Variants in DARS1 observed in about 807,000 individuals in gnomAD.
DARS1 encodes the protein aspartyl-tRNA synthetase 1, also known as aspartate--tRNA ligase, cytoplasmic.
A neutral mutation model predicts 68.8 loss-of-function variants in DARS1; 51 were observed. The ratio of observed to expected loss-of-function variants is 0.74; its 90% CI spans 0.59 to 0.94. The LOEUF (loss-of-function observed/expected upper bound fraction) is 0.94, where lower values mean the gene tolerates loss of function less well. Among genes scored for constraint, DARS1 ranks in the 40% least tolerant of loss-of-function variants. The pLI, the probability that DARS1 is intolerant of heterozygous loss-of-function variation, is 0.00. For missense variants in DARS1, 607 were observed against 597.3 expected, an observed-to-expected ratio of 1.02 and a Z score of -0.17; for synonymous variants, 203 against 190.4, an observed-to-expected ratio of 1.07 and a Z score of -0.55.
In DARS1 at chr2:135,985,587, C is replaced by G; in HGVS notation, c.-119G>C. The G allele has an allele frequency of 1.9e-6, 3 of 1,553,902 alleles. No homozygotes were observed. The highest frequency in any genetic ancestry group is 2.6e-6 in the Non-Finnish European group (3 of 1,145,980). On this transcript the variant is annotated 5_prime_UTR_variant, in exon 1 of 16. Coordinates refer to ENST00000264161, the MANE Select transcript of DARS1 (RefSeq NM_001349.4). ...CTCCCGACCCTGGGGTCTCAGCACA[C>G]GCGCTCGGACTCCGCGTGGAGGTGC...
chr2:135,970,480 G>A (rs1258286760), intron 3 of DARS1, among the ~76,000 whole-genome samples: 2 of 151,924 alleles, frequency 1.3e-5, no homozygotes, highest in Non-Finnish European at 2.9e-5. Context: ...GGGATACAGT[G>A]AAAGCTGTAC....
intron 2 of DARS1, among the ~76,000 whole-genome samples, chr2:135,983,011 G>A (rs1021274044): frequency 1.3e-5 from 2 of 152,184 alleles, no homozygotes; most frequent in Admixed American, 6.5e-5. Flanking sequence ...AGTTGTGGGG[G>A]TTGGGGGAAG....
chr2:135,920,338 T>C, intron 10 of DARS1, 115 bp downstream of exon 10: 1 of 1,412,796 alleles, frequency 7.1e-7, no homozygotes, highest in Non-Finnish European at 9.3e-7. Flanking sequence ...CTGGTAAATC[T>C]TTATATATAT....
intron 5 of DARS1, among the ~76,000 whole-genome samples, chr2:135,938,453 A>G (rs1312514171): frequency 6.6e-6 from 1 of 152,100 alleles, no homozygotes; most frequent in African/African-American, 2.4e-5. Context: ...TTTAGCTCAG[A>G]GAAGTTTATT....
chr2:135,965,898 A>T (rs1441487445), intron 3 of DARS1, among the ~76,000 whole-genome samples: 1 of 152,220 alleles, frequency 6.6e-6, no homozygotes, highest in Non-Finnish European at 1.5e-5. Flanking sequence ...CTCCCTGGTA[A>T]ATAGAACTGT....
At chr2:135,925,072 C>T (rs1019660914) in intron 7 of DARS1, among the ~76,000 whole-genome samples, 1 of 152,146 alleles carries the variant, frequency 6.6e-6, no homozygotes, top group African/African-American at 2.4e-5. Flanking sequence ...AATAGTAGCG[C>T]TCCAACTGTG....
intron 5 of DARS1, among the ~76,000 whole-genome samples, chr2:135,937,996 G>C (rs1250464011): frequency 6.6e-6 from 1 of 152,122 alleles, no homozygotes; most frequent in Non-Finnish European, 1.5e-5. Flanking sequence ...GAGTATCTTT[G>C]TGGCGTTCTC....
chr2:135,957,267 G>A lies in DARS1; in HGVS notation c.320+4129C>T, dbSNP rs188250711. On this transcript the variant is annotated intron_variant, in intron 4 of 15. Transcript: ENST00000264161. ...TTTTGAGACGGAGTCTCGCTCTGTC[G>A]CCCAGGCTGGAGTGCAGTGGCACAA... 4.8e-4 allele frequency among the ~76,000 whole-genome samples: 72 copies of A among 150,804 alleles called. 1 individual carries two copies. In the East Asian group the frequency reaches 0.012, roughly 26 times the overall value.
chr2:135,947,920 A>T (rs1681762851), intron 4 of DARS1, among the ~76,000 whole-genome samples: 1 of 152,130 alleles, frequency 6.6e-6, no homozygotes, highest in African/African-American at 2.4e-5. Flanking sequence ...CTTCCCCAGT[A>T]ACACTGATGT....
At chr2:135,956,678 G>A (rs547984880) in intron 4 of DARS1, among the ~76,000 whole-genome samples, 5 of 152,210 alleles carry the variant, frequency 3.3e-5, no homozygotes, top group African/African-American at 9.6e-5. Flanking sequence ...AAATCCTTGC[G>A]TTCTCTCTAC....
intron 15 of DARS1, among the ~76,000 whole-genome samples, chr2:135,907,806 T>C (rs1012980236): frequency 3.3e-5 from 5 of 152,306 alleles, no homozygotes; most frequent in African/African-American, 9.6e-5. Flanking sequence ...TAAGCAATAA[T>C]AGAAGTATGA....
rs1682767085 is a variant in DARS1, at chr2:135,985,571, C to T, written c.-103G>A. ...CCTCCCAGTCTCCGCCCTCCCGACC[C>T]TGGGGTCTCAGCACACGCGCTCGGA... On this transcript the variant is annotated 5_prime_UTR_variant, in exon 1 of 16. Coordinates refer to ENST00000264161, the MANE Select transcript of DARS1 (RefSeq NM_001349.4). The T allele has an allele frequency of 1.9e-6, 3 of 1,588,410 alleles. No individual in the cohort carries two copies. Among genetic ancestry groups the T allele is most frequent in the African/African-American group, 1.3e-5 (1 of 74,598 alleles).
intron 3 of DARS1, chr2:135,979,061 C>T: frequency 2.7e-6 from 1 of 374,130 alleles, no homozygotes; most frequent in Non-Finnish European, 4.7e-6. Flanking sequence ...TCTTAGATTT[C>T]ATCAGTCTTT....
intron 1 of DARS1, 28 bp from the exon 2 acceptor site, chr2:135,983,482 C>G: frequency 2.4e-6 from 2 of 840,090 alleles, no homozygotes; most frequent in Non-Finnish European, 4.0e-6. Flanking sequence ...TGCATCGTGA[C>G]TTTTTATGTA....
In DARS1 at chr2:135,921,168, T is replaced by C. The variant is rs142060653; in HGVS notation, c.812-568A>G. Among the ~76,000 whole-genome samples the C allele has an allele frequency of 2.7e-5, 4 of 150,734 alleles. No homozygotes were observed. The East Asian group carries it at 8.1e-4, about 31-fold the overall frequency. ...AGTGCCTTTTCCTCCTGTCCAGTCTTTTTGACTCTAGTTCGACTCATCTTT... is the reference window on the plus strand; with the variant it reads ...AGTGCCTTTTCCTCCTGTCCAGTCTCTTTGACTCTAGTTCGACTCATCTTT... On this transcript the variant is annotated intron_variant, in intron 9 of 15. Transcript: ENST00000264161.
chr2:135,932,902 A>G, intron 6 of DARS1, 60 bp from the exon 7 acceptor site: 1 of 812,838 alleles, frequency 1.2e-6, no homozygotes, highest in Non-Finnish European at 2.0e-6. Context: ...GAAGAGCACA[A>G]AAAATACTTT....
chr2:135,946,774 CT>C (rs1681732785), intron 4 of DARS1, among the ~76,000 whole-genome samples: 1 of 152,152 alleles, frequency 6.6e-6, no homozygotes, highest in Non-Finnish European at 1.5e-5. Flanking sequence ...AGCAGTTTAT[CT>C]CTTGCTGCTG....
At position 135,907,177 on chromosome 2, in the gene DARS1, T is replaced by C. The variant is rs1680799211; in HGVS notation, c.*139A>G. 1 of 503,614 alleles carries C rather than the reference T, an allele frequency of 2.0e-6. No individual in the cohort carries two copies. Among genetic ancestry groups the C allele is most frequent in the African/African-American group, 2.0e-5 (1 of 49,570 alleles). 31.2% of individuals were successfully genotyped at this position (503,614 alleles called of 1,614,324 possible). On this transcript the variant is annotated 3_prime_UTR_variant, in exon 16 of 16. Transcript: ENST00000264161. ...GGCCTTGCAAATTTATTCTAGTGCA[T>C]ATTTTAAGTACCTAAAGTACAGCCT...
At chr2:135,961,234 T>C (rs946433334) in intron 4 of DARS1, among the ~76,000 whole-genome samples, 162 bp downstream of exon 4, 2 of 152,250 alleles carry the variant, frequency 1.3e-5, no homozygotes, top group African/African-American at 4.8e-5. Flanking sequence ...TTTTCTCTTT[T>C]GTAAGTTTAA....
Sources: allele counts gnomAD v4.1 joint callset (sites outside exome capture counted in the v4.1 genomes callset), GRCh38; gene constraint gnomAD v4.1.1; transcripts MANE v1.5; gene names NCBI Gene and HGNC (gene_info 2026-07-23, HGNC 2026-07-21).